The following KMT2A variants were observed in gnomAD, a reference collection of about 807,000 sequenced individuals.
The protein encoded by KMT2A is histone-lysine N-methyltransferase 2A.
KMT2A carries 16 observed loss-of-function variants against 345.3 expected under a neutral mutation model. The observed-to-expected ratio is 0.05, with a 90% confidence interval of 0.03 to 0.07. The LOEUF (loss-of-function observed/expected upper bound fraction) is 0.07. KMT2A is among the 10% of genes least tolerant of loss of function. The probability of loss-of-function intolerance (pLI) is 1.00; values close to 1 mark genes in which losing one functional copy is unlikely to be tolerated. For missense variants in KMT2A, 3,272 were observed against 4,841.6 expected (o/e 0.68, Z 9.62); for synonymous variants, 1,599 against 1,778.6 (o/e 0.90, Z 2.54).
At chr11:118,470,923 A>G (rs1949931839) in intron 2 of KMT2A, among the ~76,000 whole-genome samples, 1 of 152,214 alleles carries the variant, frequency 6.6e-6, no homozygotes. Context: ...CTTTGATTTA[A>G]TAAGTTGTCA....
At chr11:118,458,359 T>G in intron 1 of KMT2A, 1 of 182,444 alleles carries the variant, frequency 5.5e-6, no homozygotes, top group South Asian at 8.7e-5. Flanking sequence ...ATTGTTAGGA[T>G]TTCAGGTGTG....
chr11:118,437,801 T>C (rs1555139155), intron 1 of KMT2A, among the ~76,000 whole-genome samples: 5 of 151,388 alleles, frequency 3.3e-5, no homozygotes, highest in African/African-American at 1.2e-4. Flanking sequence ...GAGGGGAAAA[T>C]AGTCCACTGT....
intron 1 of KMT2A, among the ~76,000 whole-genome samples, chr11:118,437,538 C>T (rs562477650): frequency 4.6e-5 from 7 of 151,268 alleles, no homozygotes; most frequent in East Asian, 2.0e-4. Flanking sequence ...CACCTCCACC[C>T]TCTACCCCCA....
At position 118,473,189 on chromosome 11, in the gene KMT2A, G is replaced by T; in HGVS notation, c.2030G>T (p.Arg677Leu). 1 of 1,613,808 alleles carries T rather than the reference G, an allele frequency of 6.2e-7. No individual in the cohort carries two copies. Among genetic ancestry groups the T allele is most frequent in the Non-Finnish European group, 8.5e-7 (1 of 1,179,906 alleles). The part of the protein sequence containing the change: ...FSASGTAASA[R>L]LFSPLHSGTR... ...GCATCTGGTACCGCTGCTTCAGCCC[G>T]ATTGTTTTCGCCACTCCATTCTGGA... is the stretch of plus-strand genomic sequence containing the variant. The change falls in exon 3 of 36, where the codon CGA becomes CTA. Residue 677 changes from arginine to leucine, a missense_variant. Around this residue, in one of 27 missense-constraint regions of KMT2A, gnomAD observed 114 missense variants for 203.2 expected, o/e 0.56. Transcript: ENST00000534358. The surrounding 1 kb of genome is among the most constrained non-coding windows in gnomAD (Gnocchi z 5.2).
intron 11 of KMT2A, among the ~76,000 whole-genome samples, chr11:118,488,970 G>A (rs1036931722): frequency 1.3e-5 from 2 of 152,066 alleles, no homozygotes; most frequent in African/African-American, 4.8e-5. Context: ...AAGTAATCTA[G>A]AGATAATTTA....
Position 118,496,516 on chromosome 11 carries a change from T to G in KMT2A, c.5664+149T>G. The stretch of plus-strand genomic sequence containing the variant: ...ATAACTTTTATTTACCTATAACTTA[T>G]AACTTATTAATTTGTAACTTATTTT... On this transcript the variant is annotated intron_variant, in intron 20 of 35. Coordinates refer to ENST00000534358, the MANE Select transcript of KMT2A (RefSeq NM_001197104.2). The surrounding 1 kb of genome is among the most constrained non-coding windows in gnomAD (Gnocchi z 4.7). The G allele has an allele frequency of 2.0e-6, 1 of 499,946 alleles. No individual in the cohort carries two copies. Among genetic ancestry groups the G allele is most frequent in the Non-Finnish European group, 3.5e-6 (1 of 281,778 alleles). The allele number at this position is 499,946 out of a possible 1,614,324, so 31.0% of individuals were successfully genotyped here.
chr11:118,509,303 ATCT>A, intron 29 of KMT2A, 103 bp downstream of exon 29: 4 of 951,110 alleles, frequency 4.2e-6, no homozygotes, highest in Non-Finnish European at 6.3e-6. Flanking sequence ...AAAAAAAAAA[ATCT>A]AAGCTCCAAA....
Position 118,494,804 on chromosome 11 carries a change from C to A in KMT2A, c.5363+37C>A, listed in dbSNP as rs782445787. On this transcript the variant is annotated intron_variant, in intron 18 of 35. Coordinates refer to ENST00000534358, the MANE Select transcript of KMT2A (RefSeq NM_001197104.2). This position sits in a 1 kb window ranked among gnomAD's most constrained non-coding sequence, Gnocchi z 5.8. ...TAGCATAACTTTTTTTTCTCCTCAT[C>A]GGCTAGAAATCTGAGAGTTCTCATA... 6.7e-7 allele frequency: 1 copy of A among 1,503,062 alleles called. No individual in the cohort carries two copies. The highest frequency in any genetic ancestry group is 9.2e-7 in the Non-Finnish European group (1 of 1,082,218). 93.1% of individuals were successfully genotyped at this position (1,503,062 alleles called of 1,614,324 possible). A position where few individuals can be genotyped will look rare whatever the true frequency, so the allele number is the denominator to read the frequency against.
At position 118,484,058 on chromosome 11, in the gene KMT2A, T is replaced by A. The variant is rs1950188698; in HGVS notation, c.4087-125T>A. ...TTTAAAAAAAAATTCAAAGATTATT[T>A]GTTTATGTTGGAAACATGTTTTTTA... On this transcript the variant is annotated intron_variant, in intron 8 of 35. Coordinates refer to ENST00000534358, the MANE Select transcript of KMT2A (RefSeq NM_001197104.2). The surrounding 1 kb of genome is among the most constrained non-coding windows in gnomAD (Gnocchi z 4.1). The A allele has an allele frequency of 4.1e-6, 4 of 985,366 alleles. No individual in the cohort carries two copies. The highest frequency in any genetic ancestry group is 5.9e-6 in the Non-Finnish European group (4 of 675,302). 61.0% of individuals were successfully genotyped at this position (985,366 alleles called of 1,614,324 possible).
intron 1 of KMT2A, among the ~76,000 whole-genome samples, chr11:118,443,973 A>G (rs1316091352): frequency 6.6e-6 from 1 of 152,238 alleles, no homozygotes; most frequent in Non-Finnish European, 1.5e-5. Context: ...TCTAACATTC[A>G]TACTGTTTTA....
chr11:118,520,902 A>T lies in KMT2A; in HGVS notation c.11513+17A>T. On this transcript the variant is annotated intron_variant, in intron 34 of 35. Transcript: ENST00000534358. The surrounding 1 kb of genome is among the most constrained non-coding windows in gnomAD (Gnocchi z 4.3). ...TGTCTACAGGTATGACTAAAATTCT[A>T]GAAAGAATTACAGAAAACGAATGCA... The T allele has an allele frequency of 6.3e-7, 1 of 1,575,316 alleles. No individual in the cohort carries two copies. Among genetic ancestry groups the T allele is most frequent in the Non-Finnish European group, 8.7e-7 (1 of 1,145,004 alleles).
At chr11:118,460,285 G>T (rs1949721312) in intron 1 of KMT2A, among the ~76,000 whole-genome samples, 1 of 152,140 alleles carries the variant, frequency 6.6e-6, no homozygotes, top group Admixed American at 6.5e-5. Context: ...ATAGAAGGAA[G>T]AATAGACTTT....
chr11:118,488,757 A>T lies in KMT2A; in HGVS notation c.4476A>T (p.Thr1492=). ...TTTGTGGAAGGCAACATCAGGCTAC[A>T]AAGGTACAAAACTTGGTAATAGAAC... is the stretch of plus-strand genomic sequence containing the variant. The part of the protein sequence containing the change: ...CHVCGRQHQA[T]KQLLECNKCR... Residue 1492 remains threonine (T), a synonymous_variant, in exon 11 of 36, where the codon ACA becomes ACT. Transcript: ENST00000534358. 1 of 1,614,070 alleles carries T rather than the reference A, an allele frequency of 6.2e-7. No individual in the cohort carries two copies.
intron 31 of KMT2A, among the ~76,000 whole-genome samples, chr11:118,515,114 T>C (rs183368790): frequency 6.0e-4 from 92 of 152,368 alleles, no homozygotes; most frequent in Admixed American, 9.8e-4. Context: ...TCAGAATCCC[T>C]GGGCTTGGAG....
chr11:118,506,498 C>T lies in KMT2A; in HGVS notation c.10606C>T (p.Pro3536Ser), dbSNP rs200371479. The change falls in exon 27 of 36, where the codon CCC becomes TCC. Residue 3536 changes from proline to serine, a missense_variant. Around this residue, in one of 27 missense-constraint regions of KMT2A, gnomAD observed 748 missense variants for 922.2 expected, o/e 0.81. Transcript: ENST00000534358. Reference protein sequence around the residue: ...QRSASPSVPGPTKPKPKTKRF... With the variant: ...QRSASPSVPGSTKPKPKTKRF... Reference sequence around the variant, plus strand: ...GTCAGCAAGCCCTTCAGTGCCGGGTCCCACTAAACCCAAACCAAAAACCAA... The same window carrying T: ...GTCAGCAAGCCCTTCAGTGCCGGGTTCCACTAAACCCAAACCAAAAACCAA... 2 of 1,614,192 alleles carry T rather than the reference C, an allele frequency of 1.2e-6. No homozygotes were observed. Among genetic ancestry groups the T allele is most frequent in the Middle Eastern group, 1.6e-4 (1 of 6,062 alleles).
chr11:118,459,204 G>A (rs1949701553), intron 1 of KMT2A, among the ~76,000 whole-genome samples: 3 of 152,134 alleles, frequency 2.0e-5, no homozygotes, highest in South Asian at 2.1e-4. Context: ...CAAGAAGCTG[G>A]GATTAAAGGC....
intron 1 of KMT2A, among the ~76,000 whole-genome samples, chr11:118,438,025 T>C (rs1949233481): frequency 1.3e-5 from 2 of 152,104 alleles, no homozygotes; most frequent in African/African-American, 4.8e-5. Flanking sequence ...GCCCTTCTCT[T>C]CTCGTCATTT....
chr11:118,475,531 G>T (rs1253375319), intron 3 of KMT2A, among the ~76,000 whole-genome samples: 4 of 152,134 alleles, frequency 2.6e-5, no homozygotes, highest in African/African-American at 9.7e-5. Context: ...AGACCATCCT[G>T]GCTAACACGG....
Position 118,496,516 on chromosome 11 carries a change from T to A in KMT2A, c.5664+149T>A. 1 of 499,946 alleles carries A rather than the reference T, an allele frequency of 2.0e-6. No individual in the cohort carries two copies. Among genetic ancestry groups the A allele is most frequent in the Non-Finnish European group, 3.5e-6 (1 of 281,778 alleles). 31.0% of individuals were successfully genotyped at this position (499,946 alleles called of 1,614,324 possible). On this transcript the variant is annotated intron_variant, in intron 20 of 35. Coordinates refer to ENST00000534358, the MANE Select transcript of KMT2A (RefSeq NM_001197104.2). This position sits in a 1 kb window ranked among gnomAD's most constrained non-coding sequence, Gnocchi z 4.7. Reference sequence around the variant, plus strand: ...ATAACTTTTATTTACCTATAACTTATAACTTATTAATTTGTAACTTATTTT... The same window carrying A: ...ATAACTTTTATTTACCTATAACTTAAAACTTATTAATTTGTAACTTATTTT...
Sources: allele counts gnomAD v4.1 joint callset (sites outside exome capture counted in the v4.1 genomes callset), GRCh38; gene constraint gnomAD v4.1.1; regional missense constraint gnomAD v4.1.1; non-coding constraint Gnocchi (gnomAD v3.1); transcripts MANE v1.5; gene names NCBI Gene and HGNC (gene_info 2026-07-23, HGNC 2026-07-21).